The following WDR7 variants were observed in gnomAD, a reference collection of about 807,000 sequenced individuals.
WDR7 encodes the protein WD repeat-containing protein 7.
WDR7 carries 46 observed loss-of-function variants against 169.4 expected under a neutral mutation model. The observed-to-expected ratio is 0.27, with a 90% CI of 0.21 to 0.35. WDR7 has a LOEUF of 0.35. Ranked by LOEUF, WDR7 falls within the 10% of genes least tolerant of loss-of-function variation. WDR7 has a pLI of 1.00. For missense variants in WDR7, 1,534 were observed against 1,859.3 expected, an observed-to-expected ratio of 0.83 and a Z score of 3.22; for synonymous variants, 612 against 666.8, an observed-to-expected ratio of 0.92 and a Z score of 1.27.
At chr18:56,944,307 A>T (rs1437999936) in intron 25 of WDR7, among the ~76,000 whole-genome samples, 1 of 152,038 alleles carries the variant, frequency 6.6e-6, no homozygotes, top group Non-Finnish European at 1.5e-5. Flanking sequence ...TGTAGTTCTC[A>T]TGTGCACCTG....
intron 22 of WDR7, among the ~76,000 whole-genome samples, chr18:56,925,256 G>T (rs1208348588): frequency 2.0e-5 from 3 of 152,102 alleles, no homozygotes; most frequent in Admixed American, 1.3e-4. Context: ...ATAAGTATTT[G>T]AACACCTGTT....
intron 21 of WDR7, among the ~76,000 whole-genome samples, chr18:56,921,645 T>C (rs1344450651): frequency 6.6e-6 from 1 of 152,168 alleles, no homozygotes; most frequent in Non-Finnish European, 1.5e-5. Context: ...AGCCAGGGTC[T>C]TCTGAAAGGA....
rs533447395 is a variant in WDR7, at chr18:56,957,983, T to G, written c.4065-4447T>G. On this transcript the variant is annotated intron_variant, in intron 25 of 27. Transcript: ENST00000254442. ...CTGAGAGTTGCATGTTTTCTATTTCTTTTTTCAAATTAACTTTTAAGTTTC... is the reference window on the plus strand; with the variant it reads ...CTGAGAGTTGCATGTTTTCTATTTCGTTTTTCAAATTAACTTTTAAGTTTC... Among the ~76,000 whole-genome samples, 30 of 152,332 alleles carry G rather than the reference T, an allele frequency of 2.0e-4. No homozygotes were observed. The South Asian group carries it at 5.8e-3, about 29-fold the overall frequency.
At chr18:56,956,920 G>C (rs964570958) in intron 25 of WDR7, among the ~76,000 whole-genome samples, 1 of 152,064 alleles carries the variant, frequency 6.6e-6, no homozygotes, top group Non-Finnish European at 1.5e-5. Context: ...TGGCAAAAAA[G>C]TATGAAGTTT....
chr18:56,685,843 C>A, intron 5 of WDR7, 113 bp from the exon 6 acceptor site: 1 of 816,562 alleles, frequency 1.2e-6, no homozygotes, highest in East Asian at 3.1e-5. Flanking sequence ...TGTTTTTCTG[C>A]TAATTGTAAA....
At chr18:56,848,224 T>C (rs1410272903) in intron 20 of WDR7, among the ~76,000 whole-genome samples, 1 of 152,256 alleles carries the variant, frequency 6.6e-6, no homozygotes, top group East Asian at 1.9e-4. Context: ...TAAGATGTAA[T>C]GACTGTTCTG....
intron 16 of WDR7, among the ~76,000 whole-genome samples, chr18:56,769,595 TA>T (rs142856293): frequency 6.6e-6 from 1 of 152,348 alleles, no homozygotes; most frequent in Non-Finnish European, 1.5e-5. Flanking sequence ...ATTGTGACCA[TA>T]TCTTTATGTT....
chr18:56,821,909 G>A (rs2045105277), intron 20 of WDR7, among the ~76,000 whole-genome samples: 1 of 152,230 alleles, frequency 6.6e-6, no homozygotes, highest in African/African-American at 2.4e-5. Context: ...TGAGCTGGGA[G>A]GATCACTTGA....
intron 26 of WDR7, among the ~76,000 whole-genome samples, chr18:56,975,104 G>C (rs1020289562): frequency 2.6e-5 from 4 of 152,076 alleles, no homozygotes; most frequent in African/African-American, 7.2e-5. Context: ...CGGGTGTGGT[G>C]GCGGGCGTCT....
At chr18:56,883,126 C>T (rs1423494728) in intron 21 of WDR7, among the ~76,000 whole-genome samples, 6 of 147,636 alleles carry the variant, frequency 4.1e-5, no homozygotes, top group Admixed American at 1.4e-4. Flanking sequence ...AGGAGAATGG[C>T]GTGAACCTGG....
intron 20 of WDR7, among the ~76,000 whole-genome samples, chr18:56,860,260 T>C (rs2045783571): frequency 6.6e-6 from 1 of 152,192 alleles, no homozygotes; most frequent in Non-Finnish European, 1.5e-5. Flanking sequence ...TAATACTTTA[T>C]AGCCATTAAT....
At chr18:56,941,452 T>C (rs1180974823) in intron 25 of WDR7, among the ~76,000 whole-genome samples, 1 of 152,040 alleles carries the variant, frequency 6.6e-6, no homozygotes, top group African/African-American at 2.4e-5. Context: ...TGCAGGATAA[T>C]TAGGGGTGTG....
At chr18:56,778,523 A>G (rs113463895) in intron 17 of WDR7, among the ~76,000 whole-genome samples, 2,158 of 152,276 alleles carry the variant, frequency 0.014, 50 homozygotes, top group African/African-American at 0.049. Context: ...ATGTATTTTC[A>G]CATACCTTTA....
chr18:56,929,460 C>T (rs989823644), intron 22 of WDR7, among the ~76,000 whole-genome samples: 1 of 152,086 alleles, frequency 6.6e-6, no homozygotes, highest in Admixed American at 6.5e-5. Context: ...TAAAGATTTT[C>T]CTTTTAGAGA....
chr18:56,673,529 G>A (rs1396024097), intron 2 of WDR7, among the ~76,000 whole-genome samples: 1 of 152,078 alleles, frequency 6.6e-6, no homozygotes, highest in Non-Finnish European at 1.5e-5. Context: ...AACAAACCCT[G>A]TACCCTTTAA....
chr18:56,750,504 C>T (rs1014839819), intron 14 of WDR7, among the ~76,000 whole-genome samples: 1 of 152,156 alleles, frequency 6.6e-6, no homozygotes, highest in Non-Finnish European at 1.5e-5. Flanking sequence ...ACATAAAAGG[C>T]ACTCCACAAA....
chr18:56,780,265 G>T (rs1300799686), intron 18 of WDR7, among the ~76,000 whole-genome samples: 2 of 151,368 alleles, frequency 1.3e-5, no homozygotes, highest in Admixed American at 1.3e-4. Context: ...GTTTAATAAA[G>T]ATTTTCCTTA....
chr18:56,668,609 A>G (rs568214536), intron 1 of WDR7, among the ~76,000 whole-genome samples: 27 of 152,364 alleles, frequency 1.8e-4, no homozygotes, highest in Admixed American at 5.2e-4. Flanking sequence ...TCTAAAATGT[A>G]TACTAATTAT....
chr18:56,857,061 A>G (rs2045731799), intron 20 of WDR7, among the ~76,000 whole-genome samples: 1 of 152,192 alleles, frequency 6.6e-6, no homozygotes, highest in Non-Finnish European at 1.5e-5. Flanking sequence ...ATGCCTCACT[A>G]GGAATGAGGT....
Sources: gnomAD v4.1 joint callset for allele counts (sites outside exome capture counted in the v4.1 genomes callset) on GRCh38, gnomAD v4.1.1 for gene constraint, MANE v1.5 for transcripts, NCBI Gene and HGNC (gene_info 2026-07-23, HGNC 2026-07-21) for gene names.